Variants in ZNF41 observed in about 807,000 individuals in gnomAD.
ZNF41 encodes zinc finger protein 41.
In ZNF41, 6 loss-of-function variants were observed where a neutral mutation model predicts 9.3. The observed-to-expected ratio is 0.65, with a 90% CI of 0.35 to 1.28. ZNF41 has a LOEUF of 1.28. Ranked by LOEUF, ZNF41 falls within the 50% of genes most tolerant of loss-of-function variation. ZNF41 has a pLI of 0.03. For synonymous variants in ZNF41, 192 were observed against 207.1 expected (o/e 0.93, Z 0.63); for missense variants, 523 against 585.8 (o/e 0.89, Z 1.11).
chrX:47,452,354 T>C (rs751665944), intron 4 of ZNF41, among the ~76,000 whole-genome samples: 1 of 108,885 alleles, frequency 9.2e-6, no homozygotes, highest in South Asian at 4.1e-4. Context: ...CCCAGTTTAC[T>C]CTCAGACGAT....
chrX:47,482,643 C>T (rs2057510152), intron 1 of ZNF41: 1 of 112,893 alleles, frequency 8.9e-6, no homozygotes, highest in African/African-American at 3.2e-5. Flanking sequence ...GCGGGCTTTC[C>T]AATTTCCTTC....
rs774859090 is a variant in ZNF41 at position 47,480,128 on chromosome X, G to A, written c.-280+2967C>T. ...AAAAAGAAGAAGAATAAACGCACAA[G>A]AAAATTAATTAAAGCAACCAAAAAG... On this transcript the variant is annotated intron_variant, in intron 1 of 4. Transcript: ENST00000684689. Among the ~76,000 whole-genome samples, 6 of 111,009 alleles carry A rather than the reference G, an allele frequency of 5.4e-5. No homozygotes were observed. In the South Asian group the frequency reaches 2.2e-3, roughly 42 times the overall value.
intron 2 of ZNF41, among the ~76,000 whole-genome samples, chrX:47,465,260 C>T (rs1475193535): frequency 8.9e-6 from 1 of 112,282 alleles, no homozygotes; most frequent in African/African-American, 3.2e-5. Flanking sequence ...ACCCTAAATG[C>T]ACATTATTAG....
In ZNF41 at chrX:47,448,971, C is replaced by A. The variant is rs762340259; in HGVS notation, c.799G>T (p.Glu267Ter). The A allele has an allele frequency of 8.3e-7, 1 of 1,209,594 alleles. No homozygotes were observed. The highest frequency in any genetic ancestry group is 1.1e-6 in the Non-Finnish European group (1 of 895,225). Residue 267 changes from glutamate (E) to a stop codon, truncating the protein, a stop_gained, in exon 5 of 5, where the codon GAG becomes TAG. Coordinates refer to ENST00000684689, the MANE Select transcript of ZNF41 (RefSeq NM_001324144.2). LOFTEE classifies it low-confidence loss of function (END_TRUNC). ...TCAGTACACACATAAAGCTTCTCCT[C>A]AGGATGAATTTTCTGATGGTGGGTG... is the stretch of plus-strand genomic sequence containing the variant. Reference protein sequence around the residue: ...APTHHQKIHPEEKLYVCTECV... With the variant: ...APTHHQKIHP
intron 2 of ZNF41, among the ~76,000 whole-genome samples, chrX:47,456,668 T>A (rs1351321345): frequency 2.7e-5 from 3 of 111,990 alleles, no homozygotes; most frequent in Non-Finnish European, 5.6e-5. Flanking sequence ...CCAGCTAACT[T>A]AAAAACAAGA....
In ZNF41 at chrX:47,449,458, T is replaced by A. The variant is rs1464367750; in HGVS notation, c.312A>T (p.Lys104Asn). The A allele has an allele frequency of 8.3e-6, 10 of 1,206,541 alleles. No homozygotes were observed. The highest frequency in any genetic ancestry group is 1.1e-5 in the Non-Finnish European group (10 of 893,536). ...HQSCSGEAIGKMQQQGIPGGI... is the reference protein window; with the variant it reads ...HQSCSGEAIGNMQQQGIPGGI... ...CTCCAGGAATTCCCTGTTGCTGCAT[T>A]TTCCCAATAGCCTCACCTAAAAAGA... The change falls in exon 5 of 5, where the codon AAA becomes AAT. Residue 104 changes from lysine (K) to asparagine (N), a missense_variant. Transcript: ENST00000684689.
At chrX:47,472,239 C>T (rs1310202320) in intron 1 of ZNF41, among the ~76,000 whole-genome samples, 1 of 110,310 alleles carries the variant, frequency 9.1e-6, no homozygotes, top group South Asian at 3.8e-4. Context: ...TATGTAAATG[C>T]CCATCAACAT....
rs1457109542 is a variant in ZNF41, at chrX:47,445,194, AT to A, written c.*2235del. Among the ~76,000 whole-genome samples the A allele has an allele frequency of 8.9e-6, 1 of 112,450 alleles. No individual in the cohort carries two copies. The highest frequency in any genetic ancestry group is 9.5e-5 in the Admixed American group (1 of 10,534). ...CATCAAAGATTCTCAATAAAAGATG[AT>A]CAATATTATTAATCATTAGGGCAGT... On this transcript the variant is annotated 3_prime_UTR_variant, in exon 5 of 5. Coordinates refer to ENST00000684689, the MANE Select transcript of ZNF41 (RefSeq NM_001324144.2).
chrX:47,448,622 T>C lies in ZNF41; in HGVS notation c.1148A>G (p.Tyr383Cys), dbSNP rs1400247474. ...HLRIHTGEKPYECSECGKGFS... is the reference protein window; with the variant it reads ...HLRIHTGEKPCECSECGKGFS... ...GCCTTTTCCACATTCACTGCATTCA[T>C]AAGGTTTTTCTCCTGTATGAATTCT... The change falls in exon 5 of 5, where the codon TAT (tyrosine) becomes TGT (cysteine). Residue 383 changes from tyrosine (Y) to cysteine (C), a missense_variant. By Grantham distance (194) the Tyr-to-Cys change is radical. Coordinates refer to ENST00000684689, the MANE Select transcript of ZNF41 (RefSeq NM_001324144.2). 2 of 1,211,974 alleles carry C rather than the reference T, an allele frequency of 1.7e-6. No homozygotes were observed. Among genetic ancestry groups the C allele is most frequent in the Admixed American group, 2.2e-5 (1 of 46,010 alleles).
chrX:47,459,445 A>G (rs947141480), intron 2 of ZNF41, among the ~76,000 whole-genome samples: 1 of 109,248 alleles, frequency 9.2e-6, no homozygotes, highest in Non-Finnish European at 1.9e-5. Flanking sequence ...AAATATTTTC[A>G]ACAAATGTTG....
intron 1 of ZNF41, 78 bp from the exon 2 acceptor site, chrX:47,467,838 T>C (rs2057042877): frequency 3.9e-6 from 1 of 259,061 alleles, no homozygotes; most frequent in Non-Finnish European, 6.9e-6. Flanking sequence ...AGATCTGGTG[T>C]AAAATGAATG....
chrX:47,468,096 G>C lies in ZNF41; in HGVS notation c.-279-336C>G, dbSNP rs1364893198. Among the ~76,000 whole-genome samples, 7 of 111,578 alleles carry C rather than the reference G, an allele frequency of 6.3e-5. No homozygotes were observed. In the Admixed American group the frequency reaches 6.7e-4, roughly 11 times the overall value. On this transcript the variant is annotated intron_variant, in intron 1 of 4. Coordinates refer to ENST00000684689, the MANE Select transcript of ZNF41 (RefSeq NM_001324144.2). ...CTCATTTAATTTTCACACTCATCCT[G>C]TGGACTAGGCATTACTATTATTACT...
At chrX:47,470,238 C>G (rs1966536359) in intron 1 of ZNF41, among the ~76,000 whole-genome samples, 1 of 106,291 alleles carries the variant, frequency 9.4e-6, no homozygotes, top group African/African-American at 3.4e-5. Context: ...ATGGTGAAAC[C>G]CCGTCTCTAC....
chrX:47,469,938 C>T (rs1569297263), intron 1 of ZNF41, among the ~76,000 whole-genome samples: 1 of 110,719 alleles, frequency 9.0e-6, no homozygotes, highest in African/African-American at 3.3e-5. Context: ...GAGGAGAAGG[C>T]AAATTACAAA....
chrX:47,447,228 T>C lies in ZNF41; in HGVS notation c.*202A>G, dbSNP rs767403425. On this transcript the variant is annotated 3_prime_UTR_variant, in exon 5 of 5. Coordinates refer to ENST00000684689, the MANE Select transcript of ZNF41 (RefSeq NM_001324144.2). Reference sequence around the variant, plus strand: ...CTAAAGGCTCTTCCTATGCATAGAATTGCATATACACTGTGGTGATGCAGG... The same window carrying C: ...CTAAAGGCTCTTCCTATGCATAGAACTGCATATACACTGTGGTGATGCAGG... The C allele has an allele frequency of 1.1e-5, 5 of 466,694 alleles. No individual in the cohort carries two copies. The highest frequency in any genetic ancestry group is 7.3e-5 in the African/African-American group (3 of 41,186). 38.5% of individuals were successfully genotyped at this position (466,694 alleles called of 1,213,427 possible). A position where few individuals can be genotyped will look rare whatever the true frequency, so the allele number is the denominator to read the frequency against.
chrX:47,470,411 CAAA>C (rs58574926), intron 1 of ZNF41, among the ~76,000 whole-genome samples: 5 of 37,673 alleles, frequency 1.3e-4, no homozygotes, highest in Admixed American at 1.1e-3. Context: ...GACTCCGTCT[CAAA>C]AAAAAAAAAA....
chrX:47,460,025 G>T (rs1270113339), intron 2 of ZNF41, among the ~76,000 whole-genome samples: 3 of 111,081 alleles, frequency 2.7e-5, no homozygotes, highest in African/African-American at 9.8e-5. Context: ...AAGGCAGGAG[G>T]ATTGCTTGAG....
chrX:47,464,533 A>T (rs1440577186), intron 2 of ZNF41, among the ~76,000 whole-genome samples: 1 of 112,012 alleles, frequency 8.9e-6, no homozygotes, highest in Non-Finnish European at 1.9e-5. Flanking sequence ...GAACCTAACC[A>T]ATAAATAAGT....
chrX:47,468,178 A>T (rs2057054134), intron 1 of ZNF41, among the ~76,000 whole-genome samples: 1 of 111,325 alleles, frequency 9.0e-6, no homozygotes, highest in Non-Finnish European at 1.9e-5. Context: ...TTGCCCCAGG[A>T]TCACTCAGAT....
Sources: allele counts gnomAD v4.1 joint callset (sites outside exome capture counted in the v4.1 genomes callset), GRCh38; gene constraint gnomAD v4.1.1; transcripts MANE v1.5; gene names NCBI Gene and HGNC (gene_info 2026-07-23, HGNC 2026-07-21).